Variants in PCDH11X observed in about 807,000 individuals in gnomAD.
PCDH11X encodes the protein protocadherin 11 X-linked.
A neutral mutation model predicts 53.3 loss-of-function variants in PCDH11X; 18 were observed. The ratio of observed to expected loss-of-function variants is 0.34; its 90% CI spans 0.23 to 0.50. PCDH11X has a LOEUF of 0.50. Ranked by LOEUF, PCDH11X falls within the 20% of genes least tolerant of loss-of-function variation. The pLI is 0.98. For missense variants in PCDH11X, 570 were observed against 1,032.4 expected, an observed-to-expected ratio of 0.55 and a Z score of 6.14; for synonymous variants, 279 against 393.3, an observed-to-expected ratio of 0.71 and a Z score of 3.44.
intron 10 of PCDH11X, among the ~76,000 whole-genome samples, chrX:92,517,125 TG>T (rs1365400954): frequency 5.4e-5 from 6 of 111,738 alleles, no homozygotes; most frequent in African/African-American, 1.9e-4. Context: ...AAGGGCAAAT[TG>T]GAGAATAGAT....
intron 6 of PCDH11X, among the ~76,000 whole-genome samples, chrX:92,148,594 G>C (rs1433830926): frequency 9.2e-6 from 1 of 108,146 alleles, no homozygotes; most frequent in Non-Finnish European, 1.9e-5. Context: ...ACTTAGCACA[G>C]ATAGTGTAGC....
At chrX:92,096,454 G>A (rs1290969910) in intron 6 of PCDH11X, among the ~76,000 whole-genome samples, 1 of 109,009 alleles carries the variant, frequency 9.2e-6, no homozygotes, top group Non-Finnish European at 1.9e-5. Flanking sequence ...GTGTGTGTGT[G>A]TGTGTGTGTG....
chrX:92,515,091 C>A, intron 10 of PCDH11X, among the ~76,000 whole-genome samples: 1 of 102,317 alleles, frequency 9.8e-6, no homozygotes, highest in East Asian at 3.1e-4. Flanking sequence ...CCTTATCCTT[C>A]AAAACCGACT....
intron 8 of PCDH11X, among the ~76,000 whole-genome samples, chrX:92,291,787 A>C (rs755298348): frequency 3.6e-5 from 4 of 109,897 alleles, no homozygotes; most frequent in African/African-American, 1.3e-4. Flanking sequence ...CATCAGACAC[A>C]TGATTTATAG....
intron 6 of PCDH11X, among the ~76,000 whole-genome samples, chrX:91,936,089 CATGTTAAATTTTAG>C (rs1419238494): frequency 4.8e-5 from 5 of 103,477 alleles, no homozygotes; most frequent in Non-Finnish European, 7.9e-5. Context: ...ACCAGTCTTT[CATGTTAAATTTTAG>C]GGGGCTCTGG....
At chrX:92,072,340 A>G (rs1162390991) in intron 6 of PCDH11X, among the ~76,000 whole-genome samples, 4 of 110,722 alleles carry the variant, frequency 3.6e-5, no homozygotes, top group Non-Finnish European at 7.6e-5. Flanking sequence ...TACTGTTCCC[A>G]CTGCTTTTCT....
chrX:92,543,806 A>G (rs5984989), intron 10 of PCDH11X, among the ~76,000 whole-genome samples: 31,270 of 108,342 alleles, frequency 0.29, 4,383 homozygotes, highest in Non-Finnish European at 0.41. Context: ...ATCATAATAT[A>G]TAGTCTAGAA....
intron 8 of PCDH11X, among the ~76,000 whole-genome samples, chrX:92,324,328 A>C (rs1179713562): frequency 8.9e-6 from 1 of 111,745 alleles, no homozygotes; most frequent in African/African-American, 3.3e-5. Flanking sequence ...GCTGGAAGGC[A>C]ATAAGTTAAT....
At chrX:91,798,495 A>T (rs1442525730) in intron 1 of PCDH11X, among the ~76,000 whole-genome samples, 6 of 109,973 alleles carry the variant, frequency 5.5e-5, no homozygotes, top group Non-Finnish European at 9.5e-5. Context: ...AGGCTGAGGC[A>T]GGAGGATCAC....
At chrX:92,370,021 C>A (rs1252098431) in intron 8 of PCDH11X, among the ~76,000 whole-genome samples, 1 of 106,654 alleles carries the variant, frequency 9.4e-6, no homozygotes, top group African/African-American at 3.4e-5. Flanking sequence ...TTAATCCAAT[C>A]ATTTACAAAA....
chrX:92,481,744 G>T (rs34488743), intron 10 of PCDH11X, among the ~76,000 whole-genome samples: 1 of 111,620 alleles, frequency 9.0e-6, no homozygotes, highest in Non-Finnish European at 1.9e-5. Flanking sequence ...AGACGCTCCC[G>T]CACCAAACCC....
chrX:92,291,730 A>G (rs2068496866), intron 8 of PCDH11X, among the ~76,000 whole-genome samples: 1 of 108,607 alleles, frequency 9.2e-6, no homozygotes, highest in Non-Finnish European at 1.9e-5. Context: ...CAGAGTGTTT[A>G]TATACTTGAA....
intron 6 of PCDH11X, among the ~76,000 whole-genome samples, chrX:92,153,951 T>C (rs2065483722): frequency 1.8e-5 from 2 of 111,629 alleles, no homozygotes; most frequent in South Asian, 7.5e-4. Flanking sequence ...AAGATAGTTA[T>C]TACTGGTAGA....
intron 6 of PCDH11X, among the ~76,000 whole-genome samples, chrX:91,991,981 C>T (rs2062335413): frequency 9.2e-6 from 1 of 109,069 alleles, no homozygotes; most frequent in African/African-American, 3.3e-5. Flanking sequence ...TTAACAATAT[C>T]TAACTCTGCT....
In PCDH11X at chrX:91,906,657, C is replaced by T. The variant is rs2524591; in HGVS notation, c.3033+27384C>T. On this transcript the variant is annotated intron_variant, in intron 6 of 10. Coordinates refer to ENST00000682573, the MANE Select transcript of PCDH11X (RefSeq NM_032968.5). Reference sequence around the variant, plus strand: ...ACTGCTTATCCACATATTTGAAATACTGCTCATTAATAACCTTATACTCAC... The same window carrying T: ...ACTGCTTATCCACATATTTGAAATATTGCTCATTAATAACCTTATACTCAC... 1.4e-3 allele frequency among the ~76,000 whole-genome samples: 160 copies of T among 111,911 alleles called. 3 individuals carry two copies. The South Asian group carries it at 0.059, about 41-fold the overall frequency.
chrX:92,182,096 A>T (rs1227280132), intron 6 of PCDH11X, among the ~76,000 whole-genome samples: 1 of 112,310 alleles, frequency 8.9e-6, no homozygotes, highest in Non-Finnish European at 1.9e-5. Context: ...GTACCCTACA[A>T]AGCCACAGTG....
chrX:91,871,762 T>A (rs1466489185), intron 5 of PCDH11X, among the ~76,000 whole-genome samples: 1 of 111,933 alleles, frequency 8.9e-6, no homozygotes, highest in Non-Finnish European at 1.9e-5. Context: ...TTTCTCTTTT[T>A]TGATTTTACA....
intron 10 of PCDH11X, among the ~76,000 whole-genome samples, chrX:92,560,359 T>C (rs904108958): frequency 2.7e-5 from 3 of 112,320 alleles, no homozygotes; most frequent in Non-Finnish European, 3.8e-5. Context: ...GCTTCGGGTG[T>C]GACCCAGCAC....
intron 6 of PCDH11X, among the ~76,000 whole-genome samples, chrX:92,039,500 C>G (rs1162250604): frequency 1.8e-5 from 2 of 110,002 alleles, no homozygotes; most frequent in African/African-American, 3.3e-5. Context: ...ACCACCACCA[C>G]CAGCCCACAG....
Sources: allele counts gnomAD v4.1 joint callset (sites outside exome capture counted in the v4.1 genomes callset), GRCh38; gene constraint gnomAD v4.1.1; transcripts MANE v1.5; gene names NCBI Gene and HGNC (gene_info 2026-07-23, HGNC 2026-07-21).